Variants in RYR3 observed in about 807,000 individuals in gnomAD.
The protein encoded by RYR3 is ryanodine receptor 3.
RYR3 carries 207 observed loss-of-function variants against 584.3 expected under a neutral mutation model. The observed-to-expected ratio is 0.35, with a 90% CI of 0.32 to 0.40. The LOEUF is 0.40. Ranked by LOEUF, RYR3 falls within the 10% of genes least tolerant of loss-of-function variation. The pLI is 1.00. For synonymous variants in RYR3, 2,416 were observed against 2,248.5 expected (o/e 1.07, Z -2.11); for missense variants, 5,616 against 6,089.2 (o/e 0.92, Z 2.59).
chr15:33,423,262 T>C (rs2044364908), intron 1 of RYR3, among the ~76,000 whole-genome samples: 1 of 152,242 alleles, frequency 6.6e-6, no homozygotes, highest in Non-Finnish European at 1.5e-5. Flanking sequence ...ATATTTGTCT[T>C]TCTGTGTCTG....
At chr15:33,835,410 G>A (rs12443234) in intron 87 of RYR3, among the ~76,000 whole-genome samples, 35,168 of 151,876 alleles carry the variant, frequency 0.23, 4,427 homozygotes, top group South Asian at 0.39. Flanking sequence ...TACCAGCCCC[G>A]TCTGACTTGT....
intron 1 of RYR3, among the ~76,000 whole-genome samples, chr15:33,462,172 C>A (rs974581381): frequency 2.0e-5 from 3 of 152,154 alleles, no homozygotes; most frequent in African/African-American, 4.8e-5. Flanking sequence ...TCATTAACAT[C>A]TACTAACTTT....
At chr15:33,693,975 A>G (rs2065639509) in intron 38 of RYR3, among the ~76,000 whole-genome samples, 1 of 152,072 alleles carries the variant, frequency 6.6e-6, no homozygotes, top group African/African-American at 2.4e-5. Flanking sequence ...GCTTTTGTGG[A>G]TGGGTTGGTG....
intron 98 of RYR3, among the ~76,000 whole-genome samples, chr15:33,857,087 T>C (rs1282817603): frequency 6.6e-6 from 1 of 152,206 alleles, no homozygotes; most frequent in Non-Finnish European, 1.5e-5. Flanking sequence ...ATTCAATACT[T>C]AAGTTCCTTT....
At chr15:33,722,945 A>C in intron 44 of RYR3, 50 bp downstream of exon 44, 2 of 1,457,606 alleles carry the variant, frequency 1.4e-6, no homozygotes, top group East Asian at 4.6e-5. Flanking sequence ...GTGAGCTCTC[A>C]GATATTATTG....
At chr15:33,476,165 T>A (rs1338437733) in intron 2 of RYR3, among the ~76,000 whole-genome samples, 1 of 152,224 alleles carries the variant, frequency 6.6e-6, no homozygotes, top group Non-Finnish European at 1.5e-5. Flanking sequence ...TTCATGTAAC[T>A]ATCATATAAT....
chr15:33,414,602 A>G (rs1374979852), intron 1 of RYR3, among the ~76,000 whole-genome samples: 1 of 152,090 alleles, frequency 6.6e-6, no homozygotes, highest in Non-Finnish European at 1.5e-5. Context: ...TGAAGTTTGA[A>G]TAAGTAATTT....
chr15:33,623,778 T>C (rs944010383), intron 19 of RYR3, 29 bp from the exon 20 acceptor site: 10 of 1,454,410 alleles, frequency 6.9e-6, no homozygotes, highest in African/African-American at 5.6e-5. Flanking sequence ...TTTTTTAACC[T>C]CTGTATTTCT....
intron 57 of RYR3, among the ~76,000 whole-genome samples, chr15:33,753,116 T>G (rs1560320): frequency 1 from 152,209 of 152,322 alleles, 76,049 homozygotes; most frequent in Middle Eastern, 1. Context: ...TTTGACAGTT[T>G]TCTCACCCAT....
chr15:33,616,319 G>A (rs754387597), intron 19 of RYR3, among the ~76,000 whole-genome samples: 8 of 152,068 alleles, frequency 5.3e-5, no homozygotes, highest in African/African-American at 9.7e-5. Flanking sequence ...CATCCCTTCC[G>A]TCTCCCTCAG....
chr15:33,643,693 C>T (rs1028099562), intron 27 of RYR3, among the ~76,000 whole-genome samples: 2 of 152,168 alleles, frequency 1.3e-5, no homozygotes, highest in East Asian at 3.8e-4. Flanking sequence ...GGGGAAGATG[C>T]TGGGTCCAGA....
At chr15:33,336,899 CA>C (rs1189219768) in intron 1 of RYR3, among the ~76,000 whole-genome samples, 4 of 147,728 alleles carry the variant, frequency 2.7e-5, no homozygotes, top group African/African-American at 5.0e-5. Context: ...ACTAAAAATA[CA>C]AAAAAAAATT....
intron 38 of RYR3, among the ~76,000 whole-genome samples, chr15:33,688,288 G>T (rs139931566): frequency 0.011 from 1,675 of 152,182 alleles, 31 homozygotes; most frequent in African/African-American, 0.038. Context: ...AGACATTTAT[G>T]GGGGGCTGGG....
At chr15:33,354,994 G>C (rs2140959005) in intron 1 of RYR3, among the ~76,000 whole-genome samples, 1 of 152,194 alleles carries the variant, frequency 6.6e-6, no homozygotes, top group African/African-American at 2.4e-5. Context: ...GACCAGCCTG[G>C]CCAACATGGT....
chr15:33,714,498 G>A (rs1386201898), intron 43 of RYR3, among the ~76,000 whole-genome samples: 1 of 152,092 alleles, frequency 6.6e-6, no homozygotes, highest in Admixed American at 6.6e-5. Flanking sequence ...TATTTTCCCC[G>A]CAGTTGCAGG....
chr15:33,464,503 T>TATATATATAC (rs1180164194), intron 1 of RYR3, among the ~76,000 whole-genome samples: 1,162 of 105,552 alleles, frequency 0.011, 84 homozygotes, highest in East Asian at 0.016. Flanking sequence ...CATATATATA[T>TATATATATAC]ACATACACAT....
Position 33,550,302 on chromosome 15 carries a change from T to C in RYR3, c.958T>C (p.Phe320Leu). 4 of 1,613,154 alleles carry C rather than the reference T, an allele frequency of 2.5e-6. No individual in the cohort carries two copies. The highest frequency in any genetic ancestry group is 3.4e-6 in the Non-Finnish European group (4 of 1,179,506). ...AGACACCAAGTCCACAGCTTTCTCT[T>C]TCCGGGCATCAAAGGTAAGGTGTGA... is the stretch of plus-strand genomic sequence containing the variant. The part of the protein sequence containing the change: ...KSDTKSTAFS[F>L]RASKELKEKL... The change falls in exon 10 of 104, where the codon TTC (phenylalanine) becomes CTC (leucine). Residue 320 changes from phenylalanine to leucine, a missense_variant. By Grantham distance (22) the Phe-to-Leu change is conservative. Transcript: ENST00000634891.
intron 2 of RYR3, among the ~76,000 whole-genome samples, chr15:33,475,049 T>G (rs1413795362): frequency 6.6e-6 from 1 of 152,076 alleles, no homozygotes; most frequent in Non-Finnish European, 1.5e-5. Context: ...GTTTTTTTGT[T>G]TTTTTGTTTT....
At chr15:33,823,324 T>G (rs1425982187) in intron 81 of RYR3, among the ~76,000 whole-genome samples, 1 of 152,170 alleles carries the variant, frequency 6.6e-6, no homozygotes, top group Non-Finnish European at 1.5e-5. Context: ...GTGTTTAATC[T>G]CCCTTCCTTA....
Sources: allele counts gnomAD v4.1 joint callset (sites outside exome capture counted in the v4.1 genomes callset), GRCh38; gene constraint gnomAD v4.1.1; transcripts MANE v1.5; gene names NCBI Gene and HGNC (gene_info 2026-07-23, HGNC 2026-07-21).